The following EREG variants were observed in gnomAD, a reference collection of about 807,000 sequenced individuals.
EREG encodes epiregulin, also known as proepiregulin.
Under a neutral mutation model 22.4 loss-of-function variants are expected in EREG, and 23 were observed. The observed-to-expected ratio is 1.03, with a 90% CI of 0.74 to 1.46. The LOEUF (loss-of-function observed/expected upper bound fraction) is 1.46, where lower values mean the gene tolerates loss of function less well. EREG is among the 40% of genes most tolerant of loss of function. The pLI is 0.00. For synonymous variants in EREG, 100 were observed against 75.4 expected (o/e 1.33, Z -1.69); for missense variants, 226 against 205.9 (o/e 1.10, Z -0.60).
At chr4:74,379,721 G>C (rs1248085760) in intron 2 of EREG, among the ~76,000 whole-genome samples, 187 bp downstream of exon 2, 1 of 152,164 alleles carries the variant, frequency 6.6e-6, no homozygotes, top group Non-Finnish European at 1.5e-5. Flanking sequence ...TGGTAGGAGA[G>C]GGACCGGATA....
chr4:74,368,537 G>A (rs1293017183), intron 1 of EREG, among the ~76,000 whole-genome samples: 2 of 152,080 alleles, frequency 1.3e-5, no homozygotes, highest in Non-Finnish European at 1.5e-5. Flanking sequence ...CTGTGAGAAC[G>A]TAAATGTATT....
intron 1 of EREG, among the ~76,000 whole-genome samples, chr4:74,372,060 T>G (rs1752300592): frequency 6.6e-6 from 1 of 152,180 alleles, no homozygotes; most frequent in Non-Finnish European, 1.5e-5. Flanking sequence ...ATTTGACAAA[T>G]GTAGTTACTA....
At chr4:74,369,834 G>A (rs781031185) in intron 1 of EREG, among the ~76,000 whole-genome samples, 28 of 151,872 alleles carry the variant, frequency 1.8e-4, no homozygotes, top group Non-Finnish European at 3.7e-4. Flanking sequence ...AAAAAAAAAG[G>A]TTGTCCACAA....
chr4:74,375,653 A>G (rs1383854337), intron 1 of EREG, among the ~76,000 whole-genome samples: 2 of 152,046 alleles, frequency 1.3e-5, no homozygotes, highest in African/African-American at 2.4e-5. Context: ...TAAGGTTAAC[A>G]GGATAGTGGA....
intron 1 of EREG, among the ~76,000 whole-genome samples, chr4:74,371,966 C>A (rs190500666): frequency 2.4e-4 from 36 of 151,976 alleles, no homozygotes; most frequent in African/African-American, 8.5e-4. Flanking sequence ...GGAACAATGT[C>A]TTTTGTACCA....
rs1365424616 is a variant in EREG at position 74,385,690 on chromosome 4, G to A, written c.*882G>A. Reference sequence around the variant, plus strand: ...ATTTTTAGACTATTTCTTTTTATAGGGGCTTTGCTGAATTCTAACATTAAA... The same window carrying A: ...ATTTTTAGACTATTTCTTTTTATAGAGGCTTTGCTGAATTCTAACATTAAA... On this transcript the variant is annotated 3_prime_UTR_variant, in exon 5 of 5. Coordinates refer to ENST00000244869, the MANE Select transcript of EREG (RefSeq NM_001432.3). 4 of 370,044 alleles carry A rather than the reference G, an allele frequency of 1.1e-5. No homozygotes were observed. The highest frequency in any genetic ancestry group is 1.4e-5 in the Non-Finnish European group (3 of 208,080). The allele number at this position is 370,044 out of a possible 1,614,324, so 22.9% of individuals were successfully genotyped here.
At chr4:74,365,431 G>T in intron 1 of EREG, 56 bp downstream of exon 1, 2 of 1,504,752 alleles carry the variant, frequency 1.3e-6, no homozygotes, top group South Asian at 1.1e-5. Context: ...AATAAGGAAG[G>T]CTCCTGTGCA....
chr4:74,379,294 A>G (rs1344025656), intron 1 of EREG, among the ~76,000 whole-genome samples, 154 bp from the exon 2 acceptor site: 1 of 152,170 alleles, frequency 6.6e-6, no homozygotes, highest in Non-Finnish European at 1.5e-5. Context: ...TTTCTGTTAC[A>G]TGCCTGTTTC....
At position 74,384,769 on chromosome 4, in the gene EREG, G is replaced by C. The variant is rs781184714; in HGVS notation, c.471G>C (p.Glu157Asp). The C allele has an allele frequency of 6.2e-7, 1 of 1,613,352 alleles. No homozygotes were observed. The highest frequency in any genetic ancestry group is 1.3e-5 in the African/African-American group (1 of 74,896). The change falls in exon 5 of 5, where the codon GAG (glutamate) becomes GAC (aspartate). Residue 157 changes from glutamate to aspartate, a missense_variant. Physicochemically the swap from Glu to Asp is conservative, Grantham distance 45. Coordinates refer to ENST00000244869, the MANE Select transcript of EREG (RefSeq NM_001432.3). ...RKSKEPKKEY[E>D]RVTSGDPELP... is the part of the protein sequence containing the mutation. ...GTAAAGAACCAAAGAAGGAATATGA[G>C]AGAGTTACCTCAGGGGATCCAGAGT...
intron 1 of EREG, among the ~76,000 whole-genome samples, chr4:74,367,454 G>A (rs1752205227): frequency 1.3e-5 from 2 of 152,162 alleles, no homozygotes; most frequent in Non-Finnish European, 2.9e-5. Flanking sequence ...TCTAAAGAGA[G>A]GAGGATAAAT....
rs748717788 is a variant in EREG, at chr4:74,373,804, A to G, written c.68-5644A>G. Among the ~76,000 whole-genome samples the G allele has an allele frequency of 5.3e-5, 8 of 151,872 alleles. No homozygotes were observed. In the South Asian group the frequency reaches 1.2e-3, roughly 24 times the overall value. On this transcript the variant is annotated intron_variant, in intron 1 of 4. Transcript: ENST00000244869. ...TATACTCTCTGAAAAGTAGGTTGCT[A>G]CTAGAAGGTGCTGACAGTCTTTTCA...
In EREG at chr4:74,387,550, G is replaced by A. The variant is rs1031077225; in HGVS notation, c.*2742G>A. 7.2e-5 allele frequency: 11 copies of A among 152,134 alleles called. No homozygotes were observed. Among genetic ancestry groups the A allele is most frequent in the African/African-American group, 2.7e-4 (11 of 41,418 alleles). 9.4% of individuals were successfully genotyped at this position (152,134 alleles called of 1,614,324 possible). A position where few individuals can be genotyped will look rare whatever the true frequency, so the allele number is the denominator to read the frequency against. On this transcript the variant is annotated 3_prime_UTR_variant, in exon 5 of 5. Coordinates refer to ENST00000244869, the MANE Select transcript of EREG (RefSeq NM_001432.3). The stretch of plus-strand genomic sequence containing the variant: ...AAATGCATATTAAATAATAAAGTAT[G>A]ACCCACATTACTTTTTATGGGTGAA...
chr4:74,381,959 T>C (rs1329754345), intron 3 of EREG: 2 of 110,206 alleles, frequency 1.8e-5, no homozygotes, highest in Non-Finnish European at 3.4e-5. Context: ...TACTCCAGCC[T>C]GGGCAACACA....
chr4:74,375,112 G>A (rs932934989), intron 1 of EREG, among the ~76,000 whole-genome samples: 9 of 152,056 alleles, frequency 5.9e-5, no homozygotes, highest in African/African-American at 1.7e-4. Flanking sequence ...ATTTAGTATC[G>A]TAGTGAATTA....
intron 1 of EREG, among the ~76,000 whole-genome samples, chr4:74,377,920 A>G (rs1254783800): frequency 6.6e-6 from 1 of 152,196 alleles, no homozygotes; most frequent in Admixed American, 6.5e-5. Context: ...GGGGATTGCA[A>G]TTCCAGATGA....
chr4:74,377,769 C>A (rs1752405533), intron 1 of EREG, among the ~76,000 whole-genome samples: 1 of 152,170 alleles, frequency 6.6e-6, no homozygotes, highest in South Asian at 2.1e-4. Context: ...GAAGGAGGAA[C>A]TTCCAAACAC....
intron 1 of EREG, among the ~76,000 whole-genome samples, chr4:74,368,279 A>AT (rs761198712): frequency 2.9e-4 from 44 of 152,296 alleles, no homozygotes; most frequent in Admixed American, 9.2e-4. Flanking sequence ...AATATGTTGA[A>AT]TTTTTACTTA....
chr4:74,368,389 T>C (rs992313014), intron 1 of EREG, among the ~76,000 whole-genome samples: 3 of 152,236 alleles, frequency 2.0e-5, no homozygotes, highest in African/African-American at 7.2e-5. Flanking sequence ...TTTTATATTT[T>C]CCAAGGTTTA....
chr4:74,385,659 A>G lies in EREG; in HGVS notation c.*851A>G. ...CTTGAAGCCTAAATTTGTGCTTTTT[A>G]AGAATATTTTTAGACTATTTCTTTT... On this transcript the variant is annotated 3_prime_UTR_variant, in exon 5 of 5. Transcript: ENST00000244869. 2.8e-6 allele frequency: 1 copy of G among 354,446 alleles called. No individual in the cohort carries two copies. The highest frequency in any genetic ancestry group is 3.9e-5 in the East Asian group (1 of 25,600). The allele number at this position is 354,446 out of a possible 1,614,324, so 22.0% of individuals were successfully genotyped here.
Sources: allele counts gnomAD v4.1 joint callset (sites outside exome capture counted in the v4.1 genomes callset), GRCh38; gene constraint gnomAD v4.1.1; transcripts MANE v1.5; gene names NCBI Gene and HGNC (gene_info 2026-07-23, HGNC 2026-07-21).